The following FIG4 variants were observed in gnomAD, a reference collection of about 807,000 sequenced individuals.
The protein encoded by FIG4 is polyphosphoinositide phosphatase.
A neutral mutation model predicts 118.6 loss-of-function variants in FIG4; 112 were observed. That is an observed-to-expected ratio of 0.94 (90% confidence interval 0.81 to 1.11). The LOEUF (loss-of-function observed/expected upper bound fraction) is 1.11. Ranked by LOEUF, FIG4 falls within the 50% of genes least tolerant of loss-of-function variation. The probability of loss-of-function intolerance (pLI) is 0.00; values close to 1 mark genes in which losing one functional copy is unlikely to be tolerated. For synonymous variants in FIG4, 369 were observed against 381.2 expected, an observed-to-expected ratio of 0.97 and a Z score of 0.37; for missense variants, 969 against 1,111.7, an observed-to-expected ratio of 0.87 and a Z score of 1.83.
chr6:109,810,884 CA>C (rs1778701407), intron 22 of FIG4, among the ~76,000 whole-genome samples: 1 of 152,152 alleles, frequency 6.6e-6, no homozygotes, highest in Admixed American at 6.5e-5. Flanking sequence ...CCCTCAGTAT[CA>C]GAAAGAGTAT....
intron 16 of FIG4, among the ~76,000 whole-genome samples, chr6:109,778,591 T>G (rs775401596): frequency 3.2e-4 from 48 of 152,074 alleles, no homozygotes; most frequent in Middle Eastern, 3.2e-3. Flanking sequence ...AGTTGTTTTT[T>G]TTTGTTTGTT....
chr6:109,793,550 G>A (rs990671409), intron 21 of FIG4, among the ~76,000 whole-genome samples: 1 of 152,134 alleles, frequency 6.6e-6, no homozygotes, highest in African/African-American at 2.4e-5. Flanking sequence ...TGAGAACATT[G>A]CAAACACCTC....
At chr6:109,772,576 C>T (rs1216247060) in intron 15 of FIG4, among the ~76,000 whole-genome samples, 1 of 152,154 alleles carries the variant, frequency 6.6e-6, no homozygotes, top group East Asian at 1.9e-4. Flanking sequence ...CCTGCCTCAG[C>T]CTTCCGAGTA....
At chr6:109,771,569 T>C (rs944465745) in intron 15 of FIG4, among the ~76,000 whole-genome samples, 1 of 145,802 alleles carries the variant, frequency 6.9e-6, no homozygotes, top group Non-Finnish European at 1.5e-5. Flanking sequence ...CCTGGGTTCA[T>C]GCCATTCCCC....
At chr6:109,785,807 T>C in intron 17 of FIG4, 1 of 434,768 alleles carries the variant, frequency 2.3e-6, no homozygotes, top group Non-Finnish European at 4.9e-6. Flanking sequence ...TATTAAGTTA[T>C]AAATTCATTT....
rs1778131835 is a variant in FIG4, at chr6:109,791,418, GGCAGCCAGCGCCCCGCC to G, written c.2226_2242del (p.Ala743ProfsTer11). The stretch of plus-strand genomic sequence containing the variant: ...AAGAAGCTGTATTACAGCGGAAAAC[GGCAGCCAGCGCCCCGCC>G]GCCCCCCAGCGAGGAGGCTGTGTCC... On this transcript the variant is annotated frameshift_variant, in exon 20 of 23. Transcript: ENST00000230124. LOFTEE classifies it high-confidence loss of function. 2 of 1,613,542 alleles carry G rather than the reference GGCAGCCAGCGCCCCGCC, an allele frequency of 1.2e-6. No homozygotes were observed. The highest frequency in any genetic ancestry group is 1.7e-4 in the Middle Eastern group (1 of 6,060).
rs149695344 is a variant in FIG4 at position 109,783,426 on chromosome 6, C to G, written c.1890-1544C>G. Among the ~76,000 whole-genome samples, 5 of 152,328 alleles carry G rather than the reference C, an allele frequency of 3.3e-5. No individual in the cohort carries two copies. In the East Asian group the frequency reaches 5.8e-4, roughly 18 times the overall value. ...GACACTAGCCTCTTGTAGAGACGCT[C>G]TAGCGCCTCCTTCTGTCTTCTGGGT... On this transcript the variant is annotated intron_variant, in intron 16 of 22. Transcript: ENST00000230124.
In FIG4 at chr6:109,786,433, A is replaced by G. The variant is rs143531641; in HGVS notation, c.2080A>G (p.Met694Val). ...CTTTGATGATACCTTTTGCTTGGCT[A>G]TGACAAGCTCAGCACGGTATGTTGT... ...SSFDDTFCLA[M>V]TSSARDFMPK... Residue 694 changes from methionine (M) to valine (V), a missense_variant, in exon 18 of 23, where the codon ATG (methionine) becomes GTG (valine). By Grantham distance (21) the Met-to-Val change is conservative. Transcript: ENST00000230124. 8.4e-5 allele frequency: 135 copies of G among 1,613,924 alleles called. No individual in the cohort carries two copies. The highest frequency in any genetic ancestry group is 1.5e-4 in the South Asian group (14 of 91,074).
intron 22 of FIG4, among the ~76,000 whole-genome samples, chr6:109,801,656 C>T (rs972632906): frequency 1.3e-5 from 2 of 152,176 alleles, no homozygotes; most frequent in African/African-American, 2.4e-5. Context: ...TGGGTGAATG[C>T]CCCTCGGTGT....
At chr6:109,697,422 C>T (rs568868460) in intron 1 of FIG4, among the ~76,000 whole-genome samples, 15 of 152,266 alleles carry the variant, frequency 9.9e-5, no homozygotes, top group Middle Eastern at 3.4e-3. Flanking sequence ...AGATTTACTT[C>T]CCAAATAGCT....
rs534810628 is a variant in FIG4, at chr6:109,803,775, C to G, written c.2546+6924C>G. Reference sequence around the variant, plus strand: ...TAATGCTAGCCTTCCCCCCTCCCCCCACCCCACAACAGTCCCCAGTGTGTG... The same window carrying G: ...TAATGCTAGCCTTCCCCCCTCCCCCGACCCCACAACAGTCCCCAGTGTGTG... On this transcript the variant is annotated intron_variant, in intron 22 of 22. Coordinates refer to ENST00000230124, the MANE Select transcript of FIG4 (RefSeq NM_014845.6). 2.6e-4 allele frequency among the ~76,000 whole-genome samples: 32 copies of G among 122,918 alleles called. 1 individual carries two copies. The highest frequency in any genetic ancestry group is 9.4e-4 in the African/African-American group (31 of 32,996). The allele number at this position is 122,918 out of a possible 152,430, so 80.6% of individuals were successfully genotyped here.
intron 17 of FIG4, 35 bp from the exon 18 acceptor site, chr6:109,786,267 C>T: frequency 6.3e-7 from 1 of 1,589,570 alleles, no homozygotes; most frequent in Non-Finnish European, 8.6e-7. Context: ...GCTATAATCT[C>T]AGACTTTTAG....
intron 16 of FIG4, among the ~76,000 whole-genome samples, chr6:109,779,474 A>C (rs1179939238): frequency 6.6e-6 from 1 of 152,198 alleles, no homozygotes; most frequent in Non-Finnish European, 1.5e-5. Flanking sequence ...ATTCAGTTAG[A>C]TGATTCAGTG....
intron 15 of FIG4, among the ~76,000 whole-genome samples, chr6:109,773,589 G>A (rs909227141): frequency 1.3e-5 from 2 of 152,082 alleles, no homozygotes; most frequent in African/African-American, 4.8e-5. Flanking sequence ...AATATCTTCT[G>A]TGTTTCATCC....
intron 5 of FIG4, among the ~76,000 whole-genome samples, chr6:109,733,375 C>A (rs1458913548): frequency 1.3e-5 from 2 of 151,828 alleles, no homozygotes; most frequent in African/African-American, 2.4e-5. Context: ...AGTATGTGGG[C>A]CTGATAGATG....
chr6:109,780,933 T>G (rs1366347436), intron 16 of FIG4, among the ~76,000 whole-genome samples: 2 of 152,246 alleles, frequency 1.3e-5, no homozygotes, highest in Non-Finnish European at 2.9e-5. Flanking sequence ...TCATCTAAGA[T>G]TCCATCTAAT....
intron 20 of FIG4, 150 bp from the exon 21 acceptor site, chr6:109,792,432 C>A: frequency 3.4e-6 from 2 of 580,174 alleles, no homozygotes; most frequent in African/African-American, 1.9e-5. Flanking sequence ...TTTTTAAAAC[C>A]ATCAACTAAG....
chr6:109,809,611 C>T (rs184775121), intron 22 of FIG4, among the ~76,000 whole-genome samples: 101 of 152,204 alleles, frequency 6.6e-4, no homozygotes, highest in African/African-American at 2.3e-3. Flanking sequence ...CAACCAGGGA[C>T]GTTATTATGT....
Position 109,791,478 on chromosome 6 carries a change from C to G in FIG4, c.2283C>G (p.Asp761Glu). The G allele has an allele frequency of 6.2e-7, 1 of 1,614,018 alleles. No homozygotes were observed. The highest frequency in any genetic ancestry group is 8.5e-7 in the Non-Finnish European group (1 of 1,180,016). Residue 761 changes from aspartate to glutamate, a missense_variant, in exon 20 of 23, where the codon GAC (aspartate) becomes GAG (glutamate). Asp to Glu is a conservative substitution (Grantham distance 45). This residue lies in a region of FIG4 where 330 missense variants were observed against 348.1 expected (regional missense o/e 0.95). Transcript: ENST00000230124. ...EEAVSSSSED[D>E]SGTDREEEGS... ...CTGTGTCCAGCAGCTCTGAGGATGA[C>G]TCTGGGACTGATCGGGAAGAAGAGG...
Sources: allele counts gnomAD v4.1 joint callset (sites outside exome capture counted in the v4.1 genomes callset), GRCh38; gene constraint gnomAD v4.1.1; regional missense constraint gnomAD v4.1.1; transcripts MANE v1.5; gene names NCBI Gene and HGNC (gene_info 2026-07-23, HGNC 2026-07-21).